Variants in HYCC1 observed in about 807,000 individuals in gnomAD.
The protein encoded by HYCC1 is hyccin PI4KA lipid kinase complex subunit 1, also known as hyccin.
the HYCC1 span, among the ~76,000 whole-genome samples, chr7:22,898,868 T>TG: frequency 6.6e-6 from 1 of 152,212 alleles, no homozygotes; most frequent in Non-Finnish European, 1.5e-5. Context: ...CCCAAAGTGC[T>TG]GGGATTATGG....
At chr7:22,983,198 G>A in the HYCC1 span, among the ~76,000 whole-genome samples, 37,221 of 151,574 alleles carry the variant, frequency 0.25, 5,215 homozygotes, top group Non-Finnish European at 0.32. Flanking sequence ...GTGTGATGGT[G>A]CACGACTGAA....
the HYCC1 span, among the ~76,000 whole-genome samples, chr7:22,913,151 TG>T: frequency 6.6e-6 from 1 of 150,928 alleles, no homozygotes; most frequent in African/African-American, 2.4e-5. Flanking sequence ...AGTACTCTCC[TG>T]GGGTCAGACT....
At chr7:22,968,229 C>T in the HYCC1 span, among the ~76,000 whole-genome samples, 7 of 152,132 alleles carry the variant, frequency 4.6e-5, no homozygotes, top group African/African-American at 1.7e-4. Flanking sequence ...GTGTATTAAC[C>T]AAAGTGGTGA....
chr7:22,969,318 TTG>T, the HYCC1 span, among the ~76,000 whole-genome samples: 26 of 148,048 alleles, frequency 1.8e-4, no homozygotes, highest in East Asian at 8.1e-4. Flanking sequence ...CCTGTTTATT[TTG>T]TGTGTGTGTG....
At chr7:22,930,994 T>C in the HYCC1 span, among the ~76,000 whole-genome samples, 2 of 151,980 alleles carry the variant, frequency 1.3e-5, no homozygotes, top group African/African-American at 4.8e-5. Flanking sequence ...ACTTCCTCAA[T>C]GTGATAAAGA....
At chr7:22,994,709 A>T in the HYCC1 span, among the ~76,000 whole-genome samples, 4 of 152,268 alleles carry the variant, frequency 2.6e-5, no homozygotes, top group South Asian at 8.3e-4. Context: ...TGTCTCCTGC[A>T]GAACTCAAAA....
At chr7:22,940,244 T>G in the HYCC1 span, 3 of 48,066 alleles carry the variant, frequency 6.2e-5, no homozygotes, top group Admixed American at 1.9e-4. Context: ...CTGTTTTTTT[T>G]TTTTTTTTTT....
the HYCC1 span, among the ~76,000 whole-genome samples, chr7:22,926,524 G>C: frequency 6.6e-6 from 1 of 152,086 alleles, no homozygotes; most frequent in Non-Finnish European, 1.5e-5. Flanking sequence ...AAAGGCAGGG[G>C]TTCCAATCCT....
the HYCC1 span, among the ~76,000 whole-genome samples, chr7:22,913,032 GA>G: frequency 6.6e-6 from 1 of 151,974 alleles, no homozygotes; most frequent in African/African-American, 2.4e-5. Flanking sequence ...GCTGAGGCAG[GA>G]GAATCAATTG....
the HYCC1 span, among the ~76,000 whole-genome samples, chr7:23,005,320 G>A: frequency 0.29 from 44,841 of 152,076 alleles, 6,869 homozygotes; most frequent in East Asian, 0.36. Context: ...AATAACATCT[G>A]TCTTTTAGGG....
chr7:22,985,050 C>T, the HYCC1 span, among the ~76,000 whole-genome samples: 1 of 152,016 alleles, frequency 6.6e-6, no homozygotes, highest in Non-Finnish European at 1.5e-5. Context: ...TGGAGCACAC[C>T]CCCTCCTCAG....
At chr7:23,011,187 G>C in the HYCC1 span, among the ~76,000 whole-genome samples, 2 of 152,078 alleles carry the variant, frequency 1.3e-5, no homozygotes, top group African/African-American at 4.8e-5. Flanking sequence ...TCCTACTTCT[G>C]CTATTTATGA....
At chr7:22,913,840 A>C in the HYCC1 span, among the ~76,000 whole-genome samples, 1 of 152,222 alleles carries the variant, frequency 6.6e-6, no homozygotes, top group Non-Finnish European at 1.5e-5. Context: ...TTTGGTGCCA[A>C]AGACCCAGGA....
At chr7:23,010,727 T>G in the HYCC1 span, among the ~76,000 whole-genome samples, 17 of 152,304 alleles carry the variant, frequency 1.1e-4, no homozygotes, top group East Asian at 3.3e-3. Flanking sequence ...CACACCAAAT[T>G]GGTATAGGGA....
chr7:22,898,333 C>T, the HYCC1 span, among the ~76,000 whole-genome samples: 2 of 152,084 alleles, frequency 1.3e-5, no homozygotes, highest in Admixed American at 1.3e-4. Context: ...GCTCCCTCAG[C>T]CTCCTGAGTA....
At chr7:22,957,650 T>C in the HYCC1 span, among the ~76,000 whole-genome samples, 12 of 152,024 alleles carry the variant, frequency 7.9e-5, no homozygotes, top group African/African-American at 2.2e-4. Flanking sequence ...TACTGTATGA[T>C]AGATACAGCT....
At chr7:23,013,389 C>A in the HYCC1 span, among the ~76,000 whole-genome samples, 1 of 152,192 alleles carries the variant, frequency 6.6e-6, no homozygotes, top group African/African-American at 2.4e-5. Context: ...GGGGCGAGGG[C>A]GGGGGGTCGA....
chr7:22,901,748 G>A, the HYCC1 span, among the ~76,000 whole-genome samples: 1 of 152,030 alleles, frequency 6.6e-6, no homozygotes, highest in African/African-American at 2.4e-5. Context: ...TTATAAATAT[G>A]TGCCTAATAA....
chr7:22,958,721 G>C, the HYCC1 span, among the ~76,000 whole-genome samples: 1 of 152,132 alleles, frequency 6.6e-6, no homozygotes, highest in African/African-American at 2.4e-5. Context: ...TGTACGCCTG[G>C]ACATGCACAC....
Sources: gnomAD v4.1 joint callset for allele counts (sites outside exome capture counted in the v4.1 genomes callset) on GRCh38, gnomAD v4.1.1 for gene constraint, MANE v1.5 for transcripts, NCBI Gene and HGNC (gene_info 2026-07-23, HGNC 2026-07-21) for gene names.